GGCX: variants seen among roughly 807,000 people sequenced by gnomAD.
GGCX encodes gamma-glutamyl carboxylase, also known as vitamin K-dependent gamma-carboxylase.
In GGCX, 63 loss-of-function variants were observed where a neutral mutation model predicts 88.5. The observed-to-expected ratio is 0.71, with a 90% CI of 0.58 to 0.88. The LOEUF (loss-of-function observed/expected upper bound fraction) is 0.88, where lower values mean the gene tolerates loss of function less well. Ranked by LOEUF, GGCX falls within the 40% of genes least tolerant of loss-of-function variation. The pLI is 0.00. For synonymous variants in GGCX, 368 were observed against 365.8 expected, an observed-to-expected ratio of 1.01 and a Z score of -0.07; for missense variants, 805 against 932.9, an observed-to-expected ratio of 0.86 and a Z score of 1.79.
chr2:85,561,277 G>A (rs1692444490), intron 1 of GGCX, 109 bp downstream of exon 1: 1 of 535,586 alleles, frequency 1.9e-6, no homozygotes, highest in Non-Finnish European at 3.1e-6. Flanking sequence ...TCCCCACAGA[G>A]GACCCCCCCC....
intron 3 of GGCX, 59 bp downstream of exon 3, chr2:85,558,858 C>T: frequency 1.3e-6 from 2 of 1,484,950 alleles, no homozygotes; most frequent in Admixed American, 3.3e-5. Context: ...CATTCACCAG[C>T]ATGCTTCTAT....
At chr2:85,556,359 A>G in intron 4 of GGCX, 99 bp from the exon 5 acceptor site, 1 of 767,764 alleles carries the variant, frequency 1.3e-6, no homozygotes, top group Non-Finnish European at 2.3e-6. Context: ...TCCTGGGCAC[A>G]TCTCCCATAT....
rs1006257802 is a variant in GGCX, at chr2:85,549,146, T to C, written c.*788A>G. 2 of 152,224 alleles carry C rather than the reference T, an allele frequency of 1.3e-5. No homozygotes were observed. Among genetic ancestry groups the C allele is most frequent in the African/African-American group, 4.8e-5 (2 of 41,454 alleles). 9.4% of individuals were successfully genotyped at this position (152,224 alleles called of 1,614,324 possible). ...TTCAGATTATCAGTGATTCTGAAAATTACAAGTGGCAGGGTGCAGGACCTT... is the reference window on the plus strand; with the variant it reads ...TTCAGATTATCAGTGATTCTGAAAACTACAAGTGGCAGGGTGCAGGACCTT... On this transcript the variant is annotated 3_prime_UTR_variant, in exon 15 of 15. Transcript: ENST00000233838.
rs1426773264 is a variant in GGCX at position 85,553,498 on chromosome 2, C to T, written c.890-1G>A. ...GCCAGCATGACGTAGGAGAACATAC[C>T]TAGGAAAGCAGGGAGAAAATACATA... is the stretch of plus-strand genomic sequence containing the variant. On this transcript the variant is annotated splice_acceptor_variant, in intron 7 of 14. Coordinates refer to ENST00000233838, the MANE Select transcript of GGCX (RefSeq NM_000821.7). LOFTEE classifies it high-confidence loss of function. 4 of 1,613,478 alleles carry T rather than the reference C, an allele frequency of 2.5e-6. No homozygotes were observed. Among genetic ancestry groups the T allele is most frequent in the Non-Finnish European group, 2.5e-6 (3 of 1,179,968 alleles).
In GGCX at chr2:85,559,005, C is replaced by T. The variant is rs370738518; in HGVS notation, c.285G>A (p.Gly95=). 1 of 1,613,688 alleles carries T rather than the reference C, an allele frequency of 6.2e-7. No individual in the cohort carries two copies. The highest frequency in any genetic ancestry group is 8.5e-7 in the Non-Finnish European group (1 of 1,179,694). Reference sequence around the variant, plus strand: ...GCAAGGGGAAGCGGCACACATCCAGCCCATCAAGGTATTTCCGGTCCAGAG... The same window carrying T: ...GCAAGGGGAAGCGGCACACATCCAGTCCATCAAGGTATTTCCGGTCCAGAG... The part of the protein sequence containing the change: ...LSSLDRKYLD[G]LDVCRFPLLD... Residue 95 remains glycine (G), a synonymous_variant, in exon 3 of 15, where the codon GGG becomes GGA. Coordinates refer to ENST00000233838, the MANE Select transcript of GGCX (RefSeq NM_000821.7).
intron 4 of GGCX, among the ~76,000 whole-genome samples, chr2:85,558,075 T>C (rs751307196): frequency 6.6e-6 from 1 of 152,222 alleles, no homozygotes; most frequent in Non-Finnish European, 1.5e-5. Flanking sequence ...TCTGCCCTTC[T>C]GGACTCACAC....
chr2:85,556,520 A>G (rs918750133), intron 4 of GGCX, among the ~76,000 whole-genome samples: 1 of 152,238 alleles, frequency 6.6e-6, no homozygotes, highest in Non-Finnish European at 1.5e-5. Flanking sequence ...CTAATGGATC[A>G]AATCAGGAAA....
At position 85,560,736 on chromosome 2, in the gene GGCX, AG is replaced by A. The variant is rs528846378; in HGVS notation, c.214+78del. ...TTCAGCTCTGAGGAAAAGGGAGCTAAGTCTACTTGCAACCAAAAAATAGAGA... is the reference window on the plus strand; with the variant it reads ...TTCAGCTCTGAGGAAAAGGGAGCTAATCTACTTGCAACCAAAAAATAGAGA... On this transcript the variant is annotated intron_variant, in intron 2 of 14. Transcript: ENST00000233838. The A allele has an allele frequency of 2.3e-4, 257 of 1,100,936 alleles. 1 individual carries two copies. In the African/African-American group the frequency reaches 3.6e-3, roughly 15 times the overall value. 68.2% of individuals were successfully genotyped at this position (1,100,936 alleles called of 1,614,324 possible).
rs776188016 is a variant in GGCX, at chr2:85,550,005, G to C, written c.2206C>G (p.Pro736Ala). The change falls in exon 15 of 15, where the codon CCC becomes GCC. Residue 736 changes from proline to alanine, a missense_variant. By Grantham distance (27) the Pro-to-Ala change is conservative (BLOSUM62 -1). Coordinates refer to ENST00000233838, the MANE Select transcript of GGCX (RefSeq NM_000821.7). ...GAATGTGAAGAATCCGTGTTTGAGG[G>C]ATTCAGTTCTCCAACTGCCTCAAAG... The part of the protein sequence containing the change: ...RPFEAVGELN[P>A]SNTDSSHSNP... 1 of 1,612,826 alleles carries C rather than the reference G, an allele frequency of 6.2e-7. No individual in the cohort carries two copies. The highest frequency in any genetic ancestry group is 1.1e-5 in the South Asian group (1 of 91,040).
In GGCX at chr2:85,556,150, G is replaced by T. The variant is rs369916306; in HGVS notation, c.618+32C>A. Reference sequence around the variant, plus strand: ...GCCATGCTGACCACATGGCTGTCAAGGAGCTCCTCCCTCTGTCCTAAAATG... The same window carrying T: ...GCCATGCTGACCACATGGCTGTCAATGAGCTCCTCCCTCTGTCCTAAAATG... On this transcript the variant is annotated intron_variant, in intron 5 of 14. Transcript: ENST00000233838. The T allele has an allele frequency of 3.6e-6, 5 of 1,373,218 alleles. No individual in the cohort carries two copies. In the South Asian group the frequency reaches 4.6e-5, roughly 13 times the overall value. The allele number at this position is 1,373,218 out of a possible 1,614,324, so 85.1% of individuals were successfully genotyped here. A position where few individuals can be genotyped will look rare whatever the true frequency, so the allele number is the denominator to read the frequency against.
chr2:85,560,709 T>C (rs1192716765), intron 2 of GGCX, 106 bp downstream of exon 2: 5 of 889,328 alleles, frequency 5.6e-6, no homozygotes, highest in Non-Finnish European at 9.6e-6. Context: ...TATACCAATG[T>C]CTTCAGCTCT....
Position 85,549,840 on chromosome 2 carries a change from A to C in GGCX, c.*94T>G. ...CCCCGCCCCCCCAAAAAAAAAAAAAAAACTTTTGAGAATTTTTTTCAAATA... is the reference window on the plus strand; with the variant it reads ...CCCCGCCCCCCCAAAAAAAAAAAAACAACTTTTGAGAATTTTTTTCAAATA... On this transcript the variant is annotated 3_prime_UTR_variant, in exon 15 of 15. Coordinates refer to ENST00000233838, the MANE Select transcript of GGCX (RefSeq NM_000821.7). 2.7e-6 allele frequency: 2 copies of C among 744,154 alleles called. No individual in the cohort carries two copies. Among genetic ancestry groups the C allele is most frequent in the Non-Finnish European group, 4.4e-6 (2 of 456,960 alleles). 46.1% of individuals were successfully genotyped at this position (744,154 alleles called of 1,614,324 possible). A position where few individuals can be genotyped will look rare whatever the true frequency, so the allele number is the denominator to read the frequency against.
chr2:85,552,710 T>C, intron 9 of GGCX, 143 bp from the exon 10 acceptor site: 1 of 1,011,702 alleles, frequency 9.9e-7, no homozygotes. Context: ...GAATGAATTT[T>C]TCATTGTTGG....
In GGCX at chr2:85,553,413, C is replaced by CG. The variant is rs768019203; in HGVS notation, c.973dup (p.Arg325ProfsTer22). 2 of 1,613,868 alleles carry CG rather than the reference C, an allele frequency of 1.2e-6. No individual in the cohort carries two copies. The highest frequency in any genetic ancestry group is 3.3e-5 in the Admixed American group (2 of 59,998). ...GAGGGGCAACAGTTGTTGCAACCTT[C>CG]GGGGGCAGTAGGACACCAGCTTCCG... On this transcript the variant is annotated frameshift_variant, in exon 8 of 15. Transcript: ENST00000233838. LOFTEE classifies it high-confidence loss of function.
intron 6 of GGCX, 61 bp downstream of exon 6, chr2:85,555,423 A>G (rs1692167068): frequency 3.5e-6 from 3 of 861,140 alleles, no homozygotes; most frequent in Non-Finnish European, 6.1e-6. Flanking sequence ...TTACTGAGAG[A>G]GATGAGTCAC....
At position 85,551,059 on chromosome 2, in the gene GGCX, T is replaced by G. The variant is rs1169867141; in HGVS notation, c.1754A>C (p.Glu585Ala). The G allele has an allele frequency of 6.2e-7, 1 of 1,613,936 alleles. No individual in the cohort carries two copies. Among genetic ancestry groups the G allele is most frequent in the Non-Finnish European group, 8.5e-7 (1 of 1,179,862 alleles). The change falls in exon 13 of 15, where the codon GAG becomes GCG. Residue 585 changes from glutamate (E) to alanine (A), a missense_variant. Transcript: ENST00000233838. ...EGEKMQLPAG[E>A]YHKVYTTSPS... is the part of the protein sequence containing the mutation. ...TGATGTCGTATACACCTTATGGTAC[T>G]CACCAGCAGGCAACTGACAAGGGAG...
Position 85,556,279 on chromosome 2 carries a change from A to C in GGCX, c.540-19T>G. 1 of 1,519,938 alleles carries C rather than the reference A, an allele frequency of 6.6e-7. No individual in the cohort carries two copies. Among genetic ancestry groups the C allele is most frequent in the Non-Finnish European group, 9.1e-7 (1 of 1,094,114 alleles). 94.2% of individuals were successfully genotyped at this position (1,519,938 alleles called of 1,614,324 possible). ...CACAGACCTACACCGAGGGAGGTAAACATTGAGGGGGGAGCTGCTTAATGC... is the reference window on the plus strand; with the variant it reads ...CACAGACCTACACCGAGGGAGGTAACCATTGAGGGGGGAGCTGCTTAATGC... On this transcript the variant is annotated intron_variant, in intron 4 of 14. Coordinates refer to ENST00000233838, the MANE Select transcript of GGCX (RefSeq NM_000821.7).
rs1408323341 is a variant in GGCX, at chr2:85,558,427, C to A, written c.539+13G>T. The A allele has an allele frequency of 1.2e-6, 2 of 1,611,902 alleles. No individual in the cohort carries two copies. The highest frequency in any genetic ancestry group is 2.2e-5 in the South Asian group (2 of 91,026). ...CCAGCCAACCCCTCCCCTTTGTCCC[C>A]CCTGACTCATACCAGTAGTGGTTTG... On this transcript the variant is annotated intron_variant, in intron 4 of 14. Coordinates refer to ENST00000233838, the MANE Select transcript of GGCX (RefSeq NM_000821.7).
rs200623552 is a variant in GGCX at position 85,556,177 on chromosome 2, T to G, written c.618+5A>C. Reference sequence around the variant, plus strand: ...AGCTCCTCCCTCTGTCCTAAAATGCTGTACCTGGCCACGGAGCACTGCATA... The same window carrying G: ...AGCTCCTCCCTCTGTCCTAAAATGCGGTACCTGGCCACGGAGCACTGCATA... On this transcript the variant is annotated splice_donor_5th_base_variant and intron_variant, in intron 5 of 14. Coordinates refer to ENST00000233838, the MANE Select transcript of GGCX (RefSeq NM_000821.7). The G allele has an allele frequency of 1.0e-5, 16 of 1,590,806 alleles. No individual in the cohort carries two copies. The highest frequency in any genetic ancestry group is 1.4e-5 in the Non-Finnish European group (16 of 1,158,702).
Sources: gnomAD v4.1 joint callset for allele counts (sites outside exome capture counted in the v4.1 genomes callset) on GRCh38, gnomAD v4.1.1 for gene constraint, MANE v1.5 for transcripts, NCBI Gene and HGNC (gene_info 2026-07-23, HGNC 2026-07-21) for gene names.